PTCHD4: variants seen among roughly 807,000 people sequenced by gnomAD.
The protein encoded by PTCHD4 is patched domain-containing protein 4.
PTCHD4 carries 33 observed loss-of-function variants against 58.1 expected under a neutral mutation model. That is an observed-to-expected ratio of 0.57 (90% confidence interval 0.43 to 0.76). The LOEUF is 0.76. Ranked by LOEUF, PTCHD4 falls within the 30% of genes least tolerant of loss-of-function variation. The probability of loss-of-function intolerance (pLI) is 0.00; values close to 1 mark genes in which losing one functional copy is unlikely to be tolerated. For missense variants in PTCHD4, 1,058 were observed against 1,027.1 expected (o/e 1.03, Z -0.41); for synonymous variants, 478 against 409.6 (o/e 1.17, Z -2.02).
At chr6:48,037,856 A>G (rs1763695648) in intron 3 of PTCHD4, among the ~76,000 whole-genome samples, 1 of 151,914 alleles carries the variant, frequency 6.6e-6, no homozygotes, top group South Asian at 2.1e-4. Flanking sequence ...ATCCATAAGA[A>G]TAGTGTTCAG....
intron 4 of PTCHD4, among the ~76,000 whole-genome samples, chr6:47,986,449 T>A (rs941646490): frequency 2.0e-5 from 3 of 152,170 alleles, no homozygotes; most frequent in Non-Finnish European, 4.4e-5. Context: ...AAAATTAAAT[T>A]TGAATGCTTT....
At chr6:48,033,436 TTCA>T (rs1763520764) in intron 3 of PTCHD4, among the ~76,000 whole-genome samples, 1 of 151,530 alleles carries the variant, frequency 6.6e-6, no homozygotes, top group South Asian at 2.1e-4. Flanking sequence ...TCCATCCAAG[TTCA>T]GCAACAGGAG....
At position 47,875,880 on chromosome 6, in the gene PTCHD4, A is replaced by T. The variant is rs533075742; in HGVS notation, c.*2423T>A. On this transcript the variant is annotated 3_prime_UTR_variant, in exon 5 of 5. Coordinates refer to ENST00000339488, the MANE Select transcript of PTCHD4 (RefSeq NM_001384253.1). ...AGGAACCAAGAAAAAACCAACCCCA[A>T]TAGCCAATCTTTTAAAAAATAGGTG... is the stretch of plus-strand genomic sequence containing the variant. Among the ~76,000 whole-genome samples the T allele has an allele frequency of 6.6e-6, 1 of 151,744 alleles. No homozygotes were observed. The highest frequency in any genetic ancestry group is 2.4e-5 in the African/African-American group (1 of 41,380).
At chr6:48,092,402 A>G (rs1765384317) in intron 1 of PTCHD4, among the ~76,000 whole-genome samples, 1 of 152,216 alleles carries the variant, frequency 6.6e-6, no homozygotes, top group South Asian at 2.1e-4. Flanking sequence ...ATATGCAGCT[A>G]GGGGATCCAT....
chr6:47,941,092 C>T (rs567361995), intron 4 of PTCHD4, among the ~76,000 whole-genome samples: 3 of 152,316 alleles, frequency 2.0e-5, no homozygotes, highest in Non-Finnish European at 2.9e-5. Context: ...AGCCCGCCTC[C>T]GTACTCACTC....
intron 3 of PTCHD4, among the ~76,000 whole-genome samples, chr6:48,013,375 G>T (rs1429226319): frequency 2.1e-5 from 3 of 145,410 alleles, no homozygotes; most frequent in African/African-American, 2.5e-5. Flanking sequence ...TTTCAGTTGA[G>T]TTTTTTTTTT....
chr6:48,008,110 G>C (rs1762526272), intron 4 of PTCHD4, among the ~76,000 whole-genome samples: 1 of 152,170 alleles, frequency 6.6e-6, no homozygotes, highest in South Asian at 2.1e-4. Flanking sequence ...GCAGCAGGAA[G>C]GTTTTAGTTT....
intron 3 of PTCHD4, among the ~76,000 whole-genome samples, chr6:48,021,881 T>C (rs1304916744): frequency 6.6e-6 from 1 of 152,192 alleles, no homozygotes; most frequent in Non-Finnish European, 1.5e-5. Context: ...CAACTAGACT[T>C]CTAAGTTCAC....
At chr6:47,948,089 C>T (rs921870605) in intron 4 of PTCHD4, among the ~76,000 whole-genome samples, 1 of 152,216 alleles carries the variant, frequency 6.6e-6, no homozygotes, top group African/African-American at 2.4e-5. Context: ...TGCTTCAGAG[C>T]TGGAGCTGTG....
At chr6:48,073,157 C>T (rs1343335167) in intron 1 of PTCHD4, among the ~76,000 whole-genome samples, 1 of 152,216 alleles carries the variant, frequency 6.6e-6, no homozygotes, top group East Asian at 1.9e-4. Context: ...GAAAGTGGTG[C>T]ATTTAGGGAC....
chr6:47,994,215 A>T (rs988733832), intron 4 of PTCHD4, among the ~76,000 whole-genome samples: 3 of 152,194 alleles, frequency 2.0e-5, no homozygotes, highest in African/African-American at 7.2e-5. Context: ...AAAGATGAGA[A>T]AAGAGAAAGG....
chr6:47,871,352 A>G lies in PTCHD4; in HGVS notation c.*6951T>C, dbSNP rs1158447979. ...AGAATAAACAAACAAACACCCGAAC[A>G]GATTTTTTCCTCCAAGAAAAGTGAT... is the stretch of plus-strand genomic sequence containing the variant. On this transcript the variant is annotated 3_prime_UTR_variant, in exon 5 of 5. Transcript: ENST00000339488. Among the ~76,000 whole-genome samples, 1 of 151,678 alleles carries G rather than the reference A, an allele frequency of 6.6e-6. No homozygotes were observed. Among genetic ancestry groups the G allele is most frequent in the Non-Finnish European group, 1.5e-5 (1 of 67,746 alleles).
chr6:48,109,483 T>G (rs993518143), intron 1 of PTCHD4, among the ~76,000 whole-genome samples: 5 of 152,044 alleles, frequency 3.3e-5, no homozygotes, highest in Non-Finnish European at 5.9e-5. Context: ...GAAGAAAACA[T>G]AGGGCCTTGA....
chr6:47,988,943 G>T (rs1219120003), intron 4 of PTCHD4, among the ~76,000 whole-genome samples: 1 of 152,184 alleles, frequency 6.6e-6, no homozygotes, highest in Non-Finnish European at 1.5e-5. Context: ...AAAGTTTGGA[G>T]GGTTCAAAAG....
intron 4 of PTCHD4, among the ~76,000 whole-genome samples, chr6:47,887,782 A>G (rs1764239333): frequency 6.6e-6 from 1 of 152,216 alleles, no homozygotes; most frequent in African/African-American, 2.4e-5. Context: ...CTAATTTAGT[A>G]TCATCTAAAG....
intron 4 of PTCHD4, among the ~76,000 whole-genome samples, chr6:48,007,884 G>A (rs1055990069): frequency 9.9e-5 from 15 of 152,024 alleles, no homozygotes; most frequent in Admixed American, 1.3e-4. Context: ...AAGCACTTAC[G>A]TGCCTTTATT....
At chr6:47,932,495 T>G (rs1000109064) in intron 4 of PTCHD4, among the ~76,000 whole-genome samples, 1 of 152,148 alleles carries the variant, frequency 6.6e-6, no homozygotes, top group African/African-American at 2.4e-5. Flanking sequence ...GAGCATAAGG[T>G]TTTATTTCTT....
At chr6:47,890,285 C>T (rs1764337657) in intron 4 of PTCHD4, among the ~76,000 whole-genome samples, 2 of 151,956 alleles carry the variant, frequency 1.3e-5, no homozygotes, top group South Asian at 4.2e-4. Flanking sequence ...TGGGGATGCC[C>T]TAAAACTTCT....
intron 3 of PTCHD4, among the ~76,000 whole-genome samples, chr6:48,020,129 G>T (rs565798568): frequency 6.6e-6 from 1 of 152,122 alleles, no homozygotes; most frequent in African/African-American, 2.4e-5. Context: ...GCTCTCTTTC[G>T]CTGCAATGTG....
Sources: allele counts gnomAD v4.1 joint callset (sites outside exome capture counted in the v4.1 genomes callset), GRCh38; gene constraint gnomAD v4.1.1; transcripts MANE v1.5; gene names NCBI Gene and HGNC (gene_info 2026-07-23, HGNC 2026-07-21).